The following XIRP2 variants were observed in gnomAD, a reference collection of about 807,000 sequenced individuals.
XIRP2 encodes the protein xin actin binding repeat containing 2.
Under a neutral mutation model 277.0 loss-of-function variants are expected in XIRP2, and 236 were observed. The observed-to-expected ratio is 0.85, with a 90% CI of 0.77 to 0.95. The LOEUF (loss-of-function observed/expected upper bound fraction) is 0.95, where lower values mean the gene tolerates loss of function less well. Ranked by LOEUF, XIRP2 falls within the 40% of genes least tolerant of loss-of-function variation. The pLI, the probability that XIRP2 is intolerant of heterozygous loss-of-function variation, is 0.00. For synonymous variants in XIRP2, 1,490 were observed against 1,416.5 expected (o/e 1.05, Z -1.17); for missense variants, 4,640 against 4,157.5 (o/e 1.12, Z -3.19).
intron 2 of XIRP2, among the ~76,000 whole-genome samples, chr2:166,920,757 G>A (rs1685016223): frequency 6.6e-6 from 1 of 152,030 alleles, no homozygotes; most frequent in Non-Finnish European, 1.5e-5. Flanking sequence ...TCTTTTAATT[G>A]TCATAACTAA....
intron 2 of XIRP2, among the ~76,000 whole-genome samples, chr2:167,025,852 G>T (rs532834355): frequency 5.9e-4 from 90 of 152,014 alleles, no homozygotes; most frequent in African/African-American, 1.9e-3. Flanking sequence ...TTTTACATTT[G>T]CTGAGGAGAG....
chr2:166,921,051 C>T (rs1011494871), intron 2 of XIRP2, among the ~76,000 whole-genome samples: 1 of 151,918 alleles, frequency 6.6e-6, no homozygotes. Context: ...TTTAAAAATC[C>T]CTCTTTTTCT....
In XIRP2 at chr2:167,249,526, A is replaced by G. The variant is rs757012259; in HGVS notation, c.8134A>G (p.Thr2712Ala). The change falls in exon 9 of 11, where the codon ACC becomes GCC. Residue 2712 changes from threonine (T) to alanine (A), a missense_variant. By Grantham distance (58) the Thr-to-Ala change is moderately conservative (BLOSUM62 0). Transcript: ENST00000409195. ...AATTTCCCCAAATTTCAAAGTTAAAACCATCAAACTTCCAACTCTAGATCA... is the reference window on the plus strand; with the variant it reads ...AATTTCCCCAAATTTCAAAGTTAAAGCCATCAAACTTCCAACTCTAGATCA... ...KPISPNFKVK[T>A]IKLPTLDHTL... 6.2e-7 allele frequency: 1 copy of G among 1,613,782 alleles called. No homozygotes were observed. The highest frequency in any genetic ancestry group is 8.5e-7 in the Non-Finnish European group (1 of 1,179,822).
chr2:167,102,133 C>T (rs1469225543), intron 2 of XIRP2, among the ~76,000 whole-genome samples: 1 of 152,104 alleles, frequency 6.6e-6, no homozygotes, highest in African/African-American at 2.4e-5. Flanking sequence ...CCCTAGACAG[C>T]TTGTTTGAAG....
chr2:167,142,489 A>T (rs995493283), intron 3 of XIRP2, among the ~76,000 whole-genome samples: 1 of 152,110 alleles, frequency 6.6e-6, no homozygotes, highest in African/African-American at 2.4e-5. Flanking sequence ...TGGAGGTTGC[A>T]GTGAGCTGAG....
intron 2 of XIRP2, among the ~76,000 whole-genome samples, chr2:167,002,375 G>A (rs1051452272): frequency 1.4e-5 from 2 of 146,692 alleles, no homozygotes; most frequent in African/African-American, 5.1e-5. Context: ...TCATCAGGAT[G>A]CCAGTCATAA....
At chr2:166,994,958 T>G (rs1449245260) in intron 2 of XIRP2, among the ~76,000 whole-genome samples, 1 of 151,888 alleles carries the variant, frequency 6.6e-6, no homozygotes, top group African/African-American at 2.4e-5. Context: ...CTCAGCTCAC[T>G]GCAACCTCCG....
At chr2:167,101,624 T>C (rs1690490881) in intron 2 of XIRP2, among the ~76,000 whole-genome samples, 1 of 152,212 alleles carries the variant, frequency 6.6e-6, no homozygotes, top group African/African-American at 2.4e-5. Flanking sequence ...TCCAATTCCA[T>C]CCAGGTTGCT....
chr2:167,031,543 T>A (rs567404128), intron 2 of XIRP2, among the ~76,000 whole-genome samples: 1 of 152,094 alleles, frequency 6.6e-6, no homozygotes, highest in African/African-American at 2.4e-5. Flanking sequence ...GACAACTGTA[T>A]ATTTAGAAAA....
chr2:166,971,698 C>A (rs998669623), intron 2 of XIRP2, among the ~76,000 whole-genome samples: 1 of 152,084 alleles, frequency 6.6e-6, no homozygotes, highest in African/African-American at 2.4e-5. Context: ...ATCTACAAGA[C>A]TGACAGGAGT....
At chr2:167,100,020 A>T (rs1196017640) in intron 2 of XIRP2, among the ~76,000 whole-genome samples, 1 of 152,148 alleles carries the variant, frequency 6.6e-6, no homozygotes, top group Non-Finnish European at 1.5e-5. Context: ...TACCTCATTT[A>T]TTCCTCACAA....
intron 3 of XIRP2, among the ~76,000 whole-genome samples, chr2:167,173,208 T>C (rs572255635): frequency 6.6e-6 from 1 of 152,328 alleles, no homozygotes; most frequent in Admixed American, 6.5e-5. Flanking sequence ...TGCTGTCAAA[T>C]AGTTCCTATT....
intron 1 of XIRP2, among the ~76,000 whole-genome samples, chr2:166,898,716 G>A (rs1248548331): frequency 6.6e-6 from 1 of 152,032 alleles, no homozygotes; most frequent in East Asian, 1.9e-4. Flanking sequence ...TCAAGACACA[G>A]AAGTTTCCTA....
intron 3 of XIRP2, among the ~76,000 whole-genome samples, chr2:167,194,238 C>T (rs979452452): frequency 4.6e-5 from 7 of 151,798 alleles, no homozygotes; most frequent in African/African-American, 1.7e-4. Context: ...TGCACCACAA[C>T]ACCACCTAAT....
intron 2 of XIRP2, among the ~76,000 whole-genome samples, chr2:166,945,113 T>C (rs1040219762): frequency 6.6e-6 from 1 of 152,272 alleles, no homozygotes; most frequent in East Asian, 1.9e-4. Flanking sequence ...CTCAGGATAC[T>C]GACCTCAAGT....
At chr2:167,104,244 T>C (rs571320881) in intron 2 of XIRP2, among the ~76,000 whole-genome samples, 3 of 152,230 alleles carry the variant, frequency 2.0e-5, no homozygotes, top group Admixed American at 6.6e-5. Context: ...TCATTTTGAT[T>C]TTTCCATCTT....
intron 3 of XIRP2, among the ~76,000 whole-genome samples, chr2:167,158,928 T>C (rs1692282133): frequency 6.6e-6 from 1 of 152,036 alleles, no homozygotes; most frequent in Admixed American, 6.6e-5. Context: ...CTCTAAGGAA[T>C]ACAGAAATAG....
At chr2:167,193,770 C>G (rs893873238) in intron 3 of XIRP2, among the ~76,000 whole-genome samples, 2 of 149,564 alleles carry the variant, frequency 1.3e-5, no homozygotes, top group African/African-American at 4.9e-5. Context: ...CCCAGCTACT[C>G]GGGTGGCTGA....
In XIRP2 at chr2:167,250,618, A is replaced by G. The variant is rs771581322; in HGVS notation, c.9226A>G (p.Lys3076Glu). The change falls in exon 9 of 11, where the codon AAA becomes GAA. Residue 3076 changes from lysine (K) to glutamate (E), a missense_variant. Coordinates refer to ENST00000409195, the MANE Select transcript of XIRP2 (RefSeq NM_152381.6). The part of the protein sequence containing the change: ...NSEQKENKIA[K>E]EKTVQHQVAA... ...TGAACAGAAAGAAAATAAAATTGCC[A>G]AAGAGAAAACAGTACAGCACCAAGT... is the stretch of plus-strand genomic sequence containing the variant. 8 of 1,613,400 alleles carry G rather than the reference A, an allele frequency of 5.0e-6. No individual in the cohort carries two copies. Among genetic ancestry groups the G allele is most frequent in the Middle Eastern group, 1.7e-4 (1 of 6,052 alleles).
Sources: gnomAD v4.1 joint callset for allele counts (sites outside exome capture counted in the v4.1 genomes callset) on GRCh38, gnomAD v4.1.1 for gene constraint, MANE v1.5 for transcripts, NCBI Gene and HGNC (gene_info 2026-07-23, HGNC 2026-07-21) for gene names.